ADAMTS3: variants seen among roughly 807,000 people sequenced by gnomAD.
ADAMTS3 encodes A disintegrin and metalloproteinase with thrombospondin motifs 3.
A neutral mutation model predicts 129.0 loss-of-function variants in ADAMTS3; 73 were observed. The ratio of observed to expected loss-of-function variants is 0.57; its 90% CI spans 0.47 to 0.69. The LOEUF (loss-of-function observed/expected upper bound fraction) is 0.69. Among genes scored for constraint, ADAMTS3 ranks in the 30% least tolerant of loss-of-function variants. The pLI, the probability that ADAMTS3 is intolerant of heterozygous loss-of-function variation, is 0.00. For synonymous variants in ADAMTS3, 477 were observed against 510.8 expected (o/e 0.93, Z 0.89); for missense variants, 1,457 against 1,514.5 (o/e 0.96, Z 0.63).
At chr4:72,484,305 C>T (rs887778375) in intron 3 of ADAMTS3, among the ~76,000 whole-genome samples, 3 of 152,148 alleles carry the variant, frequency 2.0e-5, no homozygotes, top group African/African-American at 7.2e-5. Context: ...AAGTTAAATG[C>T]CTTCCTTTTT....
At chr4:72,308,063 A>C (rs1401564237) in intron 15 of ADAMTS3, among the ~76,000 whole-genome samples, 1 of 151,932 alleles carries the variant, frequency 6.6e-6, no homozygotes, top group Non-Finnish European at 1.5e-5. Context: ...AAACAAAATG[A>C]ATTATTTTAC....
intron 4 of ADAMTS3, among the ~76,000 whole-genome samples, chr4:72,355,015 C>T (rs1048697616): frequency 4.6e-5 from 7 of 152,066 alleles, no homozygotes; most frequent in Middle Eastern, 6.8e-3. Flanking sequence ...TTCCTTTTTA[C>T]ATTAAATTTC....
intron 4 of ADAMTS3, among the ~76,000 whole-genome samples, chr4:72,407,239 T>C (rs1218128813): frequency 3.3e-5 from 5 of 152,084 alleles, no homozygotes; most frequent in African/African-American, 9.7e-5. Context: ...GCTTTCCCTA[T>C]ATGTTATCCA....
chr4:72,480,025 C>G (rs1249647665), intron 3 of ADAMTS3, among the ~76,000 whole-genome samples: 11 of 152,076 alleles, frequency 7.2e-5, no homozygotes, highest in African/African-American at 2.7e-4. Flanking sequence ...GAATGGCAAT[C>G]ATTAAAAAGT....
At chr4:72,449,778 C>T (rs939601179) in intron 3 of ADAMTS3, among the ~76,000 whole-genome samples, 1 of 151,652 alleles carries the variant, frequency 6.6e-6, no homozygotes, top group African/African-American at 2.4e-5. Context: ...TTTTAATGCC[C>T]ACTCCATTGC....
At chr4:72,388,823 GAAA>G (rs892880121) in intron 4 of ADAMTS3, among the ~76,000 whole-genome samples, 1 of 152,136 alleles carries the variant, frequency 6.6e-6, no homozygotes, top group Non-Finnish European at 1.5e-5. Context: ...CCTGCAAAGG[GAAA>G]AGTCACACAG....
chr4:72,369,738 A>T (rs928999375), intron 4 of ADAMTS3, among the ~76,000 whole-genome samples: 6 of 150,856 alleles, frequency 4.0e-5, no homozygotes, highest in African/African-American at 9.9e-5. Context: ...AATGAAAAAA[A>T]AAAATAAACA....
intron 21 of ADAMTS3, among the ~76,000 whole-genome samples, chr4:72,286,932 A>C (rs1405921434): frequency 1.3e-5 from 2 of 152,066 alleles, no homozygotes; most frequent in African/African-American, 4.8e-5. Flanking sequence ...AAGGAGTAAA[A>C]GATGGAGGAG....
At chr4:72,338,435 A>G (rs1438168393) in intron 5 of ADAMTS3, among the ~76,000 whole-genome samples, 2 of 152,140 alleles carry the variant, frequency 1.3e-5, no homozygotes, top group Non-Finnish European at 2.9e-5. Flanking sequence ...CTCATTTTCC[A>G]TTTCACAGAG....
rs1336475238 is a variant in ADAMTS3 at position 72,383,268 on chromosome 4, G to A, written c.661+31547C>T. Among the ~76,000 whole-genome samples, 4 of 152,248 alleles carry A rather than the reference G, an allele frequency of 2.6e-5. No individual in the cohort carries two copies. The East Asian group carries it at 7.7e-4, about 29-fold the overall frequency. On this transcript the variant is annotated intron_variant, in intron 4 of 21. Coordinates refer to ENST00000286657, the MANE Select transcript of ADAMTS3 (RefSeq NM_014243.3). Reference sequence around the variant, plus strand: ...AAAATAGAAAAAAAAGCAGCTTTCTGAAGTCATTGGAGAATGAACAAATGC... The same window carrying A: ...AAAATAGAAAAAAAAGCAGCTTTCTAAAGTCATTGGAGAATGAACAAATGC...
chr4:72,313,303 G>T (rs1456151416), intron 12 of ADAMTS3, among the ~76,000 whole-genome samples: 1 of 152,152 alleles, frequency 6.6e-6, no homozygotes, highest in East Asian at 1.9e-4. Context: ...ACTCCCTGAA[G>T]AGAGAGAGTC....
chr4:72,371,281 T>C (rs1720998061), intron 4 of ADAMTS3, among the ~76,000 whole-genome samples: 1 of 151,994 alleles, frequency 6.6e-6, no homozygotes, highest in Non-Finnish European at 1.5e-5. Context: ...TTACATTAAA[T>C]GATAACTGAT....
intron 16 of ADAMTS3, among the ~76,000 whole-genome samples, chr4:72,305,050 C>T (rs1719047083): frequency 6.6e-6 from 1 of 151,974 alleles, no homozygotes; most frequent in Non-Finnish European, 1.5e-5. Context: ...AAAGTCACAA[C>T]TGAAATAAAA....
chr4:72,432,984 T>C (rs1255732538), intron 3 of ADAMTS3, among the ~76,000 whole-genome samples: 1 of 152,012 alleles, frequency 6.6e-6, no homozygotes, highest in African/African-American at 2.4e-5. Flanking sequence ...GCAGAGAGCA[T>C]ATATTTCTCA....
At chr4:72,429,033 A>G (rs1293057286) in intron 3 of ADAMTS3, among the ~76,000 whole-genome samples, 5 of 152,058 alleles carry the variant, frequency 3.3e-5, no homozygotes, top group African/African-American at 4.8e-5. Flanking sequence ...AGAGAGTCTG[A>G]TTCAAAAGGA....
chr4:72,291,719 A>G (rs1718674926), intron 19 of ADAMTS3, among the ~76,000 whole-genome samples: 1 of 151,876 alleles, frequency 6.6e-6, no homozygotes, highest in Admixed American at 6.6e-5. Context: ...ATACGTGTGC[A>G]TGTGTCTTTA....
At chr4:72,288,925 C>G (rs1485616089) in intron 20 of ADAMTS3, 57 bp from the exon 21 acceptor site, 9 of 60,342 alleles carry the variant, frequency 1.5e-4, no homozygotes, top group Non-Finnish European at 2.5e-4. Flanking sequence ...CATGCACATA[C>G]ACACACACAC....
chr4:72,381,352 A>G (rs1316955640), intron 4 of ADAMTS3, among the ~76,000 whole-genome samples: 5 of 152,326 alleles, frequency 3.3e-5, no homozygotes, highest in Non-Finnish European at 7.4e-5. Context: ...CCAGATAGCC[A>G]TGCAACTTGA....
chr4:72,476,554 C>T (rs1719239076), intron 3 of ADAMTS3, among the ~76,000 whole-genome samples: 1 of 152,030 alleles, frequency 6.6e-6, no homozygotes, highest in Non-Finnish European at 1.5e-5. Flanking sequence ...GAAGAATTAA[C>T]ATCAACTCTA....
Sources: gnomAD v4.1 joint callset for allele counts (sites outside exome capture counted in the v4.1 genomes callset) on GRCh38, gnomAD v4.1.1 for gene constraint, MANE v1.5 for transcripts, NCBI Gene and HGNC (gene_info 2026-07-23, HGNC 2026-07-21) for gene names.